The following SYNE3 variants were observed in gnomAD, a reference collection of about 807,000 sequenced individuals.
SYNE3 encodes the protein nesprin-3.
A neutral mutation model predicts 111.2 loss-of-function variants in SYNE3; 100 were observed. The ratio of observed to expected loss-of-function variants is 0.90; its 90% CI spans 0.77 to 1.06. The LOEUF (loss-of-function observed/expected upper bound fraction) is 1.06, where lower values mean the gene tolerates loss of function less well. SYNE3 is among the 50% of genes least tolerant of loss of function. The probability of loss-of-function intolerance (pLI) is 0.00; values close to 1 mark genes in which losing one functional copy is unlikely to be tolerated. For synonymous variants in SYNE3, 547 were observed against 533.9 expected (o/e 1.02, Z -0.34); for missense variants, 1,160 against 1,240.3 (o/e 0.94, Z 0.97).
intron 17 of SYNE3, chr14:95,430,090 G>T: frequency 1.7e-6 from 1 of 585,052 alleles, no homozygotes; most frequent in Non-Finnish European, 2.1e-6. Context: ...CAGGTTGTAG[G>T]AACCTGAGGC....
intron 15 of SYNE3, 117 bp downstream of exon 15, chr14:95,436,703 C>A (rs550023409): frequency 2.4e-6 from 3 of 1,242,730 alleles, no homozygotes; most frequent in Admixed American, 2.3e-5. Context: ...TATCTATACA[C>A]AAGGGAGAAC....
intron 2 of SYNE3, among the ~76,000 whole-genome samples, chr14:95,469,041 G>A (rs559453912): frequency 6.6e-6 from 1 of 152,156 alleles, no homozygotes. Context: ...CCATGAGCAC[G>A]CTGCCCAGCC....
At chr14:95,496,191 T>A (rs1890084800) in intron 1 of SYNE3, among the ~76,000 whole-genome samples, 1 of 152,238 alleles carries the variant, frequency 6.6e-6, no homozygotes, top group East Asian at 1.9e-4. Context: ...ATTCACTTAA[T>A]GACAAATCCT....
At chr14:95,492,371 C>G (rs1218142361) in intron 1 of SYNE3, among the ~76,000 whole-genome samples, 1 of 152,214 alleles carries the variant, frequency 6.6e-6, no homozygotes, top group East Asian at 1.9e-4. Context: ...AAATGTCCAT[C>G]AACTGATAAA....
chr14:95,433,832 A>C (rs2139376775), intron 15 of SYNE3, among the ~76,000 whole-genome samples: 1 of 152,288 alleles, frequency 6.6e-6, no homozygotes, highest in East Asian at 1.9e-4. Context: ...CTTGGGATGG[A>C]AACTTTTATT....
At chr14:95,484,455 G>A (rs988942448) in intron 1 of SYNE3, among the ~76,000 whole-genome samples, 1 of 152,208 alleles carries the variant, frequency 6.6e-6, no homozygotes, top group Admixed American at 6.5e-5. Flanking sequence ...AACAGGGGCT[G>A]CTGGCAGTGT....
intron 1 of SYNE3, among the ~76,000 whole-genome samples, chr14:95,501,329 T>C (rs1033856885): frequency 4.6e-5 from 7 of 152,260 alleles, no homozygotes; most frequent in Non-Finnish European, 1.0e-4. Context: ...TTACCAATCT[T>C]GTCCATGACT....
chr14:95,450,163 G>A (rs1886986585), intron 7 of SYNE3, 58 bp from the exon 8 acceptor site: 2 of 1,523,544 alleles, frequency 1.3e-6, no homozygotes, highest in Admixed American at 4.0e-5. Flanking sequence ...TCAGTCCAGG[G>A]ATGAGGCCTC....
At position 95,444,585 on chromosome 14, in the gene SYNE3, G is replaced by A; in HGVS notation, c.1676C>T (p.Pro559Leu). 2 of 1,612,776 alleles carry A rather than the reference G, an allele frequency of 1.2e-6. 1 individual carries two copies. Among genetic ancestry groups the A allele is most frequent in the South Asian group, 2.2e-5 (2 of 90,996 alleles). ...GAGGTCCAAGAGCTTCCTCTGCAGG[G>A]GCTCAAAAGCTGCTCCAAAGTCTTT... ...QHKDFGAAFE[P>L]LQRKLLDLQV... Residue 559 changes from proline to leucine, a missense_variant, in exon 10 of 18, where the codon CCC becomes CTC. Physicochemically the swap from Pro to Leu is moderately conservative, Grantham distance 98. Coordinates refer to ENST00000682763, the MANE Select transcript of SYNE3 (RefSeq NM_152592.6).
In SYNE3 at chr14:95,433,402, T is replaced by A; in HGVS notation, c.2546A>T (p.Glu849Val). The A allele has an allele frequency of 6.2e-7, 1 of 1,613,984 alleles. No homozygotes were observed. The highest frequency in any genetic ancestry group is 8.5e-7 in the Non-Finnish European group (1 of 1,179,908). Reference sequence around the variant, plus strand: ...ATGCTGACCTTCTGGCACCCGAGCCTCCAGCTCCTGGGGGAAACAGCAGCG... The same window carrying A: ...ATGCTGACCTTCTGGCACCCGAGCCACCAGCTCCTGGGGGAAACAGCAGCG... The part of the protein sequence containing the change: ...RTRKSKLQEL[E>V]ARVPEGQHLF... The change falls in exon 16 of 18, where the codon GAG becomes GTG. Residue 849 changes from glutamate (E) to valine (V), a missense_variant. By Grantham distance (121) the Glu-to-Val change is moderately radical (BLOSUM62 -2). Transcript: ENST00000682763.
At chr14:95,419,584 G>A (rs1357827539) in intron 17 of SYNE3, among the ~76,000 whole-genome samples, 1 of 151,808 alleles carries the variant, frequency 6.6e-6, no homozygotes, top group Non-Finnish European at 1.5e-5. Flanking sequence ...CACCCTCCAG[G>A]GCACCAAAAG....
intron 1 of SYNE3, among the ~76,000 whole-genome samples, chr14:95,514,267 G>A (rs115232422): frequency 0.029 from 4,385 of 152,208 alleles, 212 homozygotes; most frequent in African/African-American, 0.098. Context: ...TCAGCTAGGC[G>A]GTGTAGGACA....
intron 10 of SYNE3, 117 bp from the exon 11 acceptor site, chr14:95,443,406 G>T: frequency 7.6e-7 from 1 of 1,311,396 alleles, no homozygotes; most frequent in Non-Finnish European, 1.0e-6. Context: ...TCCCCAAGGC[G>T]GTGGGGCTCT....
At chr14:95,431,484 G>C (rs772797422) in intron 17 of SYNE3, among the ~76,000 whole-genome samples, 1 of 152,182 alleles carries the variant, frequency 6.6e-6, no homozygotes, top group South Asian at 2.1e-4. Context: ...ATAGCATCTC[G>C]AGTAATAATC....
rs1890278017 is a variant in SYNE3 at position 95,500,091 on chromosome 14, C to A, written c.-15+16505G>T. 6.6e-6 allele frequency among the ~76,000 whole-genome samples: 1 copy of A among 152,002 alleles called. No homozygotes were observed. The highest frequency in any genetic ancestry group is 1.5e-5 in the Non-Finnish European group (1 of 67,994). On this transcript the variant is annotated intron_variant, in intron 1 of 17. Transcript: ENST00000682763. The surrounding 1 kb of genome is among the most constrained non-coding windows in gnomAD (Gnocchi z 4.7). ...GTCAGGCTGGTCTTGAACTCTTGACCTCAGGTGATCCACCCGCCTCGGCCT... is the reference window on the plus strand; with the variant it reads ...GTCAGGCTGGTCTTGAACTCTTGACATCAGGTGATCCACCCGCCTCGGCCT...
rs771184132 is a variant in SYNE3 at position 95,455,396 on chromosome 14, G to T, written c.1118C>A (p.Ala373Glu). 6.8e-5 allele frequency: 105 copies of T among 1,549,178 alleles called. No individual in the cohort carries two copies. Among genetic ancestry groups the T allele is most frequent in the Non-Finnish European group, 8.7e-5 (100 of 1,148,338 alleles). The change falls in exon 6 of 18, where the codon GCA becomes GAA. Residue 373 changes from alanine (A) to glutamate (E), a missense_variant. Ala to Glu is a moderately radical substitution (Grantham distance 107). Transcript: ENST00000682763. ...GCTTACCGAGTAGCGTCTCCAGTGT[G>T]CCACCAGCTCGTCCTCGGTCCCCGC... is the stretch of plus-strand genomic sequence containing the variant. ...AKAGTEDELV[A>E]HWRRYSATRA...
intron 1 of SYNE3, among the ~76,000 whole-genome samples, chr14:95,491,665 C>T (rs78762982): frequency 0.012 from 1,767 of 151,684 alleles, 19 homozygotes; most frequent in Middle Eastern, 0.031. Flanking sequence ...CCTTGGAATA[C>T]GCAATGGTTT....
Position 95,455,491 on chromosome 14 carries a change from C to T in SYNE3, c.1023G>A (p.Glu341=). The T allele has an allele frequency of 6.2e-7, 1 of 1,613,762 alleles. No homozygotes were observed. Among genetic ancestry groups the T allele is most frequent in the African/African-American group, 1.3e-5 (1 of 75,074 alleles). The part of the protein sequence containing the change: ...GAWEQQIKQL[E]AELSEFRMVL... ...CCATCCTGAACTCACTGAGCTCAGC[C>T]TCCAGCTGCTTAATCTGCTGCTCCC... is the stretch of plus-strand genomic sequence containing the variant. Residue 341 remains glutamate (E), a synonymous_variant, in exon 6 of 18, where the codon GAG becomes GAA. Transcript: ENST00000682763.
At chr14:95,449,449 G>A (rs1424047044) in intron 8 of SYNE3, 3 of 985,344 alleles carry the variant, frequency 3.0e-6, no homozygotes, top group Admixed American at 6.1e-5. Flanking sequence ...GGAGATGCAC[G>A]TTTGGAGCCG....
Sources: gnomAD v4.1 joint callset for allele counts (sites outside exome capture counted in the v4.1 genomes callset) on GRCh38, gnomAD v4.1.1 for gene constraint, Gnocchi (gnomAD v3.1) non-coding constraint, MANE v1.5 for transcripts, NCBI Gene and HGNC (gene_info 2026-07-23, HGNC 2026-07-21) for gene names.